PLBD1: variants seen among roughly 807,000 people sequenced by gnomAD.
PLBD1 encodes lysosomal leucine aminopeptidase.
PLBD1 carries 60 observed loss-of-function variants against 63.0 expected under a neutral mutation model. That is an observed-to-expected ratio of 0.95 (90% CI 0.77 to 1.18). The LOEUF (loss-of-function observed/expected upper bound fraction) is 1.18, where lower values mean the gene tolerates loss of function less well. Among genes scored for constraint, PLBD1 ranks in the 50% most tolerant of loss-of-function variants. The pLI, the probability that PLBD1 is intolerant of heterozygous loss-of-function variation, is 0.00. For missense variants in PLBD1, 598 were observed against 677.9 expected, an observed-to-expected ratio of 0.88 and a Z score of 1.31; for synonymous variants, 262 against 248.0, an observed-to-expected ratio of 1.06 and a Z score of -0.53.
intron 2 of PLBD1, among the ~76,000 whole-genome samples, chr12:14,546,996 T>C (rs1945621313): frequency 1.3e-5 from 2 of 152,270 alleles, no homozygotes; most frequent in South Asian, 2.1e-4. Flanking sequence ...TTCTACCGCC[T>C]TAGCCTCCCA....
chr12:14,508,709 G>A (rs777725447), intron 8 of PLBD1, among the ~76,000 whole-genome samples: 3 of 152,208 alleles, frequency 2.0e-5, no homozygotes, highest in Non-Finnish European at 2.9e-5. Flanking sequence ...GGCAAAGGTT[G>A]TAGTGAGCCG....
chr12:14,533,606 G>T (rs918063489), intron 6 of PLBD1, among the ~76,000 whole-genome samples: 1 of 152,140 alleles, frequency 6.6e-6, no homozygotes, highest in Non-Finnish European at 1.5e-5. Context: ...TCTGAATATT[G>T]CATTTTATCA....
Position 14,550,319 on chromosome 12 carries a change from T to C in PLBD1, c.335+2874A>G, listed in dbSNP as rs11612068. Among the ~76,000 whole-genome samples, 922 of 152,344 alleles carry C rather than the reference T, an allele frequency of 6.1e-3. 9 individuals are homozygous for C. The highest frequency in any genetic ancestry group is 1.0e-2 in the Non-Finnish European group (678 of 68,032). On this transcript the variant is annotated intron_variant, in intron 2 of 10. Coordinates refer to ENST00000240617, the MANE Select transcript of PLBD1 (RefSeq NM_024829.6). ...CTGCCCCACTCCTGATCATTTGCCCTTGGGCTGCTGCTACTGGTCTGAAGG... is the reference window on the plus strand; with the variant it reads ...CTGCCCCACTCCTGATCATTTGCCCCTGGGCTGCTGCTACTGGTCTGAAGG...
At chr12:14,545,020 C>T (rs1251488654) in intron 2 of PLBD1, among the ~76,000 whole-genome samples, 1 of 151,604 alleles carries the variant, frequency 6.6e-6, no homozygotes, top group Non-Finnish European at 1.5e-5. Context: ...TGTCTCTCTC[C>T]CTCTCTCCCT....
In PLBD1 at chr12:14,506,241, C is replaced by A. The variant is rs1459666050; in HGVS notation, c.1400G>T (p.Gly467Val). 1.7e-5 allele frequency: 28 copies of A among 1,611,942 alleles called. No individual in the cohort carries two copies. Among genetic ancestry groups the A allele is most frequent in the Non-Finnish European group, 2.4e-5 (28 of 1,178,428 alleles). The change falls in exon 10 of 11, where the codon GGT becomes GTT. Residue 467 changes from glycine to valine, a missense_variant. Gly to Val is a moderately radical substitution (Grantham distance 109). Coordinates refer to ENST00000240617, the MANE Select transcript of PLBD1 (RefSeq NM_024829.6). ...NNYKKDPYSR[G>V]DPCNTICCRE... The stretch of plus-strand genomic sequence containing the variant: ...GCAGCAGATGGTATTACAGGGGTCA[C>A]CTCTACTGTAAGGATCCTTCTTATA...
At chr12:14,555,916 C>T (rs900626192) in intron 1 of PLBD1, among the ~76,000 whole-genome samples, 2 of 152,232 alleles carry the variant, frequency 1.3e-5, no homozygotes, top group African/African-American at 2.4e-5. Flanking sequence ...AGACTAGAAG[C>T]TCCCTGAGGC....
Position 14,567,577 on chromosome 12 carries a change from C to T in PLBD1, c.115+5G>A. On this transcript the variant is annotated splice_donor_5th_base_variant and intron_variant, in intron 1 of 10. Transcript: ENST00000240617. ...CGCCCCCCGCCCAGGGCGCGCTCTGCTCACCTGCAGGTTTCGGCGGCTCCG... is the reference window on the plus strand; with the variant it reads ...CGCCCCCCGCCCAGGGCGCGCTCTGTTCACCTGCAGGTTTCGGCGGCTCCG... 6.7e-7 allele frequency: 1 copy of T among 1,497,626 alleles called. No individual in the cohort carries two copies. The highest frequency in any genetic ancestry group is 8.8e-7 in the Non-Finnish European group (1 of 1,131,338). 92.8% of individuals were successfully genotyped at this position (1,497,626 alleles called of 1,614,324 possible).
intron 10 of PLBD1, 33 bp from the exon 11 acceptor site, chr12:14,503,987 A>G (rs1228799050): frequency 3.2e-6 from 5 of 1,565,792 alleles, no homozygotes; most frequent in Non-Finnish European, 4.4e-6. Flanking sequence ...CATTTTAGAA[A>G]ATCATCGTTC....
In PLBD1 at chr12:14,537,876, GA is replaced by G. The variant is rs1238896761; in HGVS notation, c.559-1167del. Among the ~76,000 whole-genome samples the G allele has an allele frequency of 1.5e-3, 82 of 53,770 alleles. 1 individual carries two copies. Among genetic ancestry groups the G allele is most frequent in the African/African-American group, 3.1e-3 (78 of 25,552 alleles). The allele number at this position is 53,770 out of a possible 152,430, so 35.3% of individuals were successfully genotyped here. A position where few individuals can be genotyped will look rare whatever the true frequency, so the allele number is the denominator to read the frequency against. ...AAAAATTATAACAAAGTTTATATCA[GA>G]AAGTCTCCTCCTTTACCTGTTCTCC... On this transcript the variant is annotated intron_variant, in intron 4 of 10. Transcript: ENST00000240617.
intron 1 of PLBD1, among the ~76,000 whole-genome samples, chr12:14,555,014 T>C (rs11056023): frequency 0.29 from 44,463 of 152,014 alleles, 8,139 homozygotes; most frequent in East Asian, 0.58. Flanking sequence ...TCATAACTTA[T>C]GTTTAATCAA....
chr12:14,513,872 T>C (rs1185635569), intron 6 of PLBD1, among the ~76,000 whole-genome samples: 2 of 151,364 alleles, frequency 1.3e-5, no homozygotes, highest in Non-Finnish European at 2.9e-5. Flanking sequence ...TTCCACCTCC[T>C]GGGTTCACGC....
At chr12:14,537,467 A>G (rs933209738) in intron 4 of PLBD1, among the ~76,000 whole-genome samples, 1 of 152,226 alleles carries the variant, frequency 6.6e-6, no homozygotes, top group African/African-American at 2.4e-5. Context: ...TGTCCTCTGG[A>G]GAGAAAACCA....
intron 6 of PLBD1, chr12:14,533,375 T>G (rs771117841): frequency 1.3e-5 from 2 of 152,240 alleles, no homozygotes; most frequent in Non-Finnish European, 2.9e-5. Context: ...TGTCTGTTGC[T>G]CTCTTGGAGA....
At chr12:14,525,500 G>T (rs552090213) in intron 6 of PLBD1, among the ~76,000 whole-genome samples, 5 of 152,146 alleles carry the variant, frequency 3.3e-5, no homozygotes, top group Admixed American at 6.6e-5. Flanking sequence ...AGCTATAACT[G>T]GTGAAAAACC....
At chr12:14,541,008 G>T in intron 3 of PLBD1, 106 bp from the exon 4 acceptor site, 4 of 1,208,792 alleles carry the variant, frequency 3.3e-6, no homozygotes, top group Non-Finnish European at 4.5e-6. Flanking sequence ...ATGCTAATGT[G>T]ATTTAAATTC....
At chr12:14,540,706 A>G (rs1485651614) in intron 4 of PLBD1, 58 bp downstream of exon 4, 6 of 1,424,130 alleles carry the variant, frequency 4.2e-6, no homozygotes, top group Non-Finnish European at 5.6e-6. Context: ...TTTTAAAGAT[A>G]ACATTCAATA....
intron 6 of PLBD1, among the ~76,000 whole-genome samples, chr12:14,532,159 G>A (rs1945470500): frequency 6.6e-6 from 1 of 152,174 alleles, no homozygotes; most frequent in African/African-American, 2.4e-5. Context: ...AGCTGGAAGA[G>A]CTGTCCCAAT....
Position 14,551,411 on chromosome 12 carries a change from A to G in PLBD1, c.335+1782T>C, listed in dbSNP as rs150893735. Among the ~76,000 whole-genome samples the G allele has an allele frequency of 1.3e-3, 200 of 152,336 alleles. 2 individuals carry two copies. Among genetic ancestry groups the G allele is most frequent in the South Asian group, 0.013 (61 of 4,828 alleles). ...AATACAGAAGTATTTTTAAAAAGTTATTATTAGAATGGCTTTTTCTATAGA... is the reference window on the plus strand; with the variant it reads ...AATACAGAAGTATTTTTAAAAAGTTGTTATTAGAATGGCTTTTTCTATAGA... On this transcript the variant is annotated intron_variant, in intron 2 of 10. Coordinates refer to ENST00000240617, the MANE Select transcript of PLBD1 (RefSeq NM_024829.6).
intron 1 of PLBD1, among the ~76,000 whole-genome samples, chr12:14,565,363 G>A (rs2136937433): frequency 6.6e-6 from 1 of 151,990 alleles, no homozygotes; most frequent in Middle Eastern, 3.4e-3. Flanking sequence ...CTACTCGGGA[G>A]GCTGAGTCAG....
Sources: allele counts gnomAD v4.1 joint callset (sites outside exome capture counted in the v4.1 genomes callset), GRCh38; gene constraint gnomAD v4.1.1; transcripts MANE v1.5; gene names NCBI Gene and HGNC (gene_info 2026-07-23, HGNC 2026-07-21).